The following RIC8B variants were observed in gnomAD, a reference collection of about 807,000 sequenced individuals.
RIC8B encodes the protein RIC8 guanine nucleotide exchange factor B.
A neutral mutation model predicts 57.5 loss-of-function variants in RIC8B; 16 were observed. That is an observed-to-expected ratio of 0.28 (90% CI 0.19 to 0.42). RIC8B has a LOEUF of 0.42. Ranked by LOEUF, RIC8B falls within the 10% of genes least tolerant of loss-of-function variation. The pLI is 1.00. For synonymous variants in RIC8B, 216 were observed against 250.8 expected (o/e 0.86, Z 1.31); for missense variants, 481 against 677.0 (o/e 0.71, Z 3.21).
intron 6 of RIC8B, among the ~76,000 whole-genome samples, chr12:106,846,100 A>G (rs888134147): frequency 2.6e-5 from 4 of 152,222 alleles, no homozygotes; most frequent in South Asian, 2.1e-4. Context: ...AAAATCATCC[A>G]TATATGCTGA....
Position 106,843,847 on chromosome 12 carries a change from T to C in RIC8B, c.1066-5T>C, listed in dbSNP as rs200101316. ...TTCAAAAACATATGGTTTTTTTTTTTATAGGGAAGCAGCTATAGAGAGGGT... is the reference window on the plus strand; with the variant it reads ...TTCAAAAACATATGGTTTTTTTTTTCATAGGGAAGCAGCTATAGAGAGGGT... On this transcript the variant is annotated splice_polypyrimidine_tract_variant and splice_region_variant and intron_variant, in intron 5 of 9. Transcript: ENST00000392837. The C allele has an allele frequency of 3.1e-4, 488 of 1,590,772 alleles. 1 individual carries two copies. The highest frequency in any genetic ancestry group is 5.6e-4 in the Admixed American group (32 of 56,862).
chr12:106,794,519 G>GA (rs1290606021), intron 2 of RIC8B, among the ~76,000 whole-genome samples: 1 of 152,124 alleles, frequency 6.6e-6, no homozygotes, highest in Non-Finnish European at 1.5e-5. Flanking sequence ...AAGACGAGGA[G>GA]AAAATCTTGA....
intron 2 of RIC8B, among the ~76,000 whole-genome samples, chr12:106,786,672 C>T (rs1255445533): frequency 1.3e-5 from 2 of 151,822 alleles, no homozygotes; most frequent in Non-Finnish European, 2.9e-5. Context: ...TACATAATAG[C>T]AAAAGATTGG....
chr12:106,800,879 C>G (rs1005154795), intron 2 of RIC8B, among the ~76,000 whole-genome samples: 16 of 152,182 alleles, frequency 1.1e-4, no homozygotes, highest in African/African-American at 3.6e-4. Flanking sequence ...GGATTTATAT[C>G]AGCCACCAAG....
intron 3 of RIC8B, among the ~76,000 whole-genome samples, chr12:106,821,500 A>C (rs551207408): frequency 1.3e-5 from 2 of 152,322 alleles, no homozygotes; most frequent in Admixed American, 6.5e-5. Context: ...TAAGAGACCT[A>C]AATATACAAG....
rs531625756 is a variant in RIC8B, at chr12:106,781,458, A to G, written c.85-2539A>G. On this transcript the variant is annotated intron_variant, in intron 1 of 9. Coordinates refer to ENST00000392837, the MANE Select transcript of RIC8B (RefSeq NM_001330145.2). ...AAGTTAAGTATGATCTAAGTTGGAT[A>G]AAAGAACCCAGGTTTATAGAAGCCA... Among the ~76,000 whole-genome samples the G allele has an allele frequency of 3.9e-5, 6 of 152,348 alleles. No homozygotes were observed. The East Asian group carries it at 1.2e-3, about 29-fold the overall frequency.
intron 9 of RIC8B, among the ~76,000 whole-genome samples, chr12:106,878,658 T>A (rs1950780236): frequency 6.6e-6 from 1 of 152,176 alleles, no homozygotes. Flanking sequence ...AGAGCAGGAA[T>A]CCTGTGCTTA....
At chr12:106,847,181 G>A (rs1949232356) in intron 6 of RIC8B, among the ~76,000 whole-genome samples, 1 of 152,056 alleles carries the variant, frequency 6.6e-6, no homozygotes, top group South Asian at 2.1e-4. Flanking sequence ...TGAGTATTTG[G>A]GGGATTTGAA....
chr12:106,791,108 C>A (rs2044242869), intron 2 of RIC8B, among the ~76,000 whole-genome samples: 1 of 152,098 alleles, frequency 6.6e-6, no homozygotes, highest in Admixed American at 6.5e-5. Flanking sequence ...ATTATTTTAG[C>A]TATAAAGTAG....
chr12:106,817,645 C>T (rs1313048613), intron 3 of RIC8B, among the ~76,000 whole-genome samples: 1 of 151,874 alleles, frequency 6.6e-6, no homozygotes, highest in Admixed American at 6.6e-5. Context: ...CGGTGAAACC[C>T]CGTCTCTACT....
chr12:106,871,650 ACT>A (rs1432275278), intron 9 of RIC8B: 3 of 152,084 alleles, frequency 2.0e-5, no homozygotes, highest in Non-Finnish European at 2.9e-5. Flanking sequence ...TGGCTGAGTC[ACT>A]CTATTTTCTA....
intron 7 of RIC8B, among the ~76,000 whole-genome samples, chr12:106,855,751 C>T (rs1025709581): frequency 6.6e-6 from 1 of 152,070 alleles, no homozygotes; most frequent in African/African-American, 2.4e-5. Flanking sequence ...ATCCTCACTT[C>T]ACATTGCTCC....
chr12:106,793,268 T>C (rs1380367505), intron 2 of RIC8B, among the ~76,000 whole-genome samples: 1 of 152,084 alleles, frequency 6.6e-6, no homozygotes, highest in African/African-American at 2.4e-5. Flanking sequence ...CATACCATTG[T>C]CTCTGCCCCC....
intron 4 of RIC8B, among the ~76,000 whole-genome samples, chr12:106,838,178 T>G (rs1394030624): frequency 1.3e-5 from 2 of 151,966 alleles, no homozygotes; most frequent in Non-Finnish European, 2.9e-5. Flanking sequence ...AGAAATAAAC[T>G]CATGCATATA....
chr12:106,867,194 A>G lies in RIC8B; in HGVS notation c.1452-3629A>G, dbSNP rs184769999. ...ACTTGAAATACAGTTCAGGTTTTAT[A>G]CCTGTGTTCATTTGTCCATACCTTT... On this transcript the variant is annotated intron_variant, in intron 8 of 9. Coordinates refer to ENST00000392837, the MANE Select transcript of RIC8B (RefSeq NM_001330145.2). The surrounding 1 kb of genome is among the most constrained non-coding windows in gnomAD (Gnocchi z 4.3). 6.6e-6 allele frequency among the ~76,000 whole-genome samples: 1 copy of G among 152,256 alleles called. No individual in the cohort carries two copies. The highest frequency in any genetic ancestry group is 1.9e-4 in the East Asian group (1 of 5,182).
chr12:106,872,439 C>T (rs1448943617), intron 9 of RIC8B, among the ~76,000 whole-genome samples: 1 of 152,116 alleles, frequency 6.6e-6, no homozygotes. Context: ...GAGGCTGAGG[C>T]AGGTGGATCA....
intron 2 of RIC8B, among the ~76,000 whole-genome samples, chr12:106,789,904 G>A (rs2044194257): frequency 6.7e-6 from 1 of 149,488 alleles, no homozygotes; most frequent in Admixed American, 6.7e-5. Context: ...CAACTTAGAA[G>A]TAAGTGTAAG....
In RIC8B at chr12:106,825,793, C is replaced by T; in HGVS notation, c.809C>T (p.Thr270Ile). 6.2e-7 allele frequency: 1 copy of T among 1,613,294 alleles called. No homozygotes were observed. Among genetic ancestry groups the T allele is most frequent in the Non-Finnish European group, 8.5e-7 (1 of 1,179,276 alleles). ...LRHCLLIVGP[T>I]EDKTEELHSN... ...CATTGTTTACTAATCGTAGGTCCAA[C>T]TGAAGACAAAACAGAAGAGCTACAC... The change falls in exon 4 of 10, where the codon ACT becomes ATT. Residue 270 changes from threonine to isoleucine, a missense_variant. Physicochemically the swap from Thr to Ile is moderately conservative, Grantham distance 89. Around this residue, in one of 3 missense-constraint regions of RIC8B, gnomAD observed 421 missense variants for 560.9 expected, o/e 0.75. Coordinates refer to ENST00000392837, the MANE Select transcript of RIC8B (RefSeq NM_001330145.2).
chr12:106,802,534 A>ATTTTTT (rs34706345), intron 2 of RIC8B, among the ~76,000 whole-genome samples: 1 of 102,194 alleles, frequency 9.8e-6, no homozygotes. Flanking sequence ...CAATATGAGA[A>ATTTTTT]TTTTTTTTTT....
Sources: gnomAD v4.1 joint callset for allele counts (sites outside exome capture counted in the v4.1 genomes callset) on GRCh38, gnomAD v4.1.1 for gene constraint, gnomAD v4.1.1 regional missense constraint, Gnocchi (gnomAD v3.1) non-coding constraint, MANE v1.5 for transcripts, NCBI Gene and HGNC (gene_info 2026-07-23, HGNC 2026-07-21) for gene names.